The following MOB3B variants were observed in gnomAD, a reference collection of about 807,000 sequenced individuals.
The protein encoded by MOB3B is MOB kinase activator 3B.
Under a neutral mutation model 18.7 loss-of-function variants are expected in MOB3B, and 7 were observed. The ratio of observed to expected loss-of-function variants is 0.37; its 90% CI spans 0.21 to 0.70. The LOEUF (loss-of-function observed/expected upper bound fraction) is 0.70. Among genes scored for constraint, MOB3B ranks in the 30% least tolerant of loss-of-function variants. MOB3B has a pLI of 0.52. For synonymous variants in MOB3B, 111 were observed against 99.9 expected, an observed-to-expected ratio of 1.11 and a Z score of -0.66; for missense variants, 253 against 281.3, an observed-to-expected ratio of 0.90 and a Z score of 0.72.
At chr9:27,502,288 A>T (rs1820003679) in intron 1 of MOB3B, among the ~76,000 whole-genome samples, 2 of 152,196 alleles carry the variant, frequency 1.3e-5, no homozygotes, top group Non-Finnish European at 2.9e-5. Context: ...TCTCCCACAC[A>T]ATATCAAACC....
chr9:27,360,157 A>C (rs1335831760), intron 2 of MOB3B, among the ~76,000 whole-genome samples: 2 of 152,168 alleles, frequency 1.3e-5, no homozygotes, highest in African/African-American at 2.4e-5. Context: ...AAGCTTATTA[A>C]ATTGATAATG....
intron 1 of MOB3B, among the ~76,000 whole-genome samples, chr9:27,488,643 C>T (rs1042145350): frequency 6.6e-6 from 1 of 152,122 alleles, no homozygotes; most frequent in East Asian, 1.9e-4. Flanking sequence ...CCTGACCTTA[C>T]GTGGTCTACC....
At chr9:27,519,824 T>C (rs924976683) in intron 1 of MOB3B, among the ~76,000 whole-genome samples, 1 of 151,768 alleles carries the variant, frequency 6.6e-6, no homozygotes, top group East Asian at 1.9e-4. Flanking sequence ...GAAGACAAGC[T>C]GGCCCCAAAT....
chr9:27,493,948 A>G (rs1236261774), intron 1 of MOB3B, among the ~76,000 whole-genome samples: 1 of 152,208 alleles, frequency 6.6e-6, no homozygotes, highest in African/African-American at 2.4e-5. Flanking sequence ...TTCAAAAGCA[A>G]ATGGGAGAAA....
At chr9:27,371,786 T>A (rs1301802893) in intron 2 of MOB3B, among the ~76,000 whole-genome samples, 8 of 151,972 alleles carry the variant, frequency 5.3e-5, no homozygotes, top group Non-Finnish European at 1.0e-4. Context: ...CCAGCAGGAA[T>A]ATAGATCTAG....
chr9:27,353,694 C>T (rs1387787528), intron 3 of MOB3B, among the ~76,000 whole-genome samples: 1 of 152,198 alleles, frequency 6.6e-6, no homozygotes, highest in Admixed American at 6.5e-5. Flanking sequence ...TCACGAATCT[C>T]TGTCCTCCCC....
chr9:27,385,107 G>A (rs1361920264), intron 2 of MOB3B, among the ~76,000 whole-genome samples: 2 of 152,186 alleles, frequency 1.3e-5, no homozygotes, highest in Non-Finnish European at 2.9e-5. Flanking sequence ...GCAGGAAGCA[G>A]GAAGGCAAGG....
chr9:27,353,001 G>A (rs957755068), intron 3 of MOB3B, among the ~76,000 whole-genome samples: 1 of 152,178 alleles, frequency 6.6e-6, no homozygotes, highest in African/African-American at 2.4e-5. Context: ...CTCAGGACTG[G>A]CATTTTGAGG....
intron 1 of MOB3B, among the ~76,000 whole-genome samples, chr9:27,491,175 A>G (rs1449496518): frequency 6.6e-6 from 1 of 152,262 alleles, no homozygotes; most frequent in Non-Finnish European, 1.5e-5. Flanking sequence ...ACTAAAAAGA[A>G]GAAGACATAT....
At chr9:27,410,590 A>T (rs893196077) in intron 2 of MOB3B, among the ~76,000 whole-genome samples, 1 of 152,026 alleles carries the variant, frequency 6.6e-6, no homozygotes, top group Non-Finnish European at 1.5e-5. Context: ...AGGCAAGCTG[A>T]CCACTCCAGG....
At chr9:27,360,270 G>A (rs981978863) in intron 2 of MOB3B, among the ~76,000 whole-genome samples, 2 of 152,198 alleles carry the variant, frequency 1.3e-5, no homozygotes, top group African/African-American at 4.8e-5. Context: ...TTGGGAGGCT[G>A]AGGCAGGCAG....
chr9:27,383,474 A>G (rs1295593246), intron 2 of MOB3B, among the ~76,000 whole-genome samples: 1 of 152,210 alleles, frequency 6.6e-6, no homozygotes. Flanking sequence ...AAATGATTCT[A>G]GACAAATAAC....
In MOB3B at chr9:27,455,615, A is replaced by T; in HGVS notation, c.-65T>A. The T allele has an allele frequency of 6.2e-7, 1 of 1,605,158 alleles. No individual in the cohort carries two copies. The highest frequency in any genetic ancestry group is 8.5e-7 in the Non-Finnish European group (1 of 1,177,882). ...AAGGCACCTGGAACTTTTCAGGGAG[A>T]GATCACAGCCCAACAGTGTTTTCCA... On this transcript the variant is annotated 5_prime_UTR_variant, in exon 2 of 4. Transcript: ENST00000262244.
chr9:27,460,073 G>A (rs1347064469), intron 1 of MOB3B, among the ~76,000 whole-genome samples: 3 of 152,144 alleles, frequency 2.0e-5, no homozygotes, highest in Non-Finnish European at 4.4e-5. Context: ...AGGACATAGA[G>A]TTCATAAAAA....
chr9:27,509,165 T>G (rs1400844852), intron 1 of MOB3B, among the ~76,000 whole-genome samples: 1 of 152,224 alleles, frequency 6.6e-6, no homozygotes, highest in Non-Finnish European at 1.5e-5. Flanking sequence ...ATGCTCATTA[T>G]TCACATGTCA....
chr9:27,499,152 C>T (rs1457621793), intron 1 of MOB3B, among the ~76,000 whole-genome samples: 1 of 152,146 alleles, frequency 6.6e-6, no homozygotes, highest in Non-Finnish European at 1.5e-5. Flanking sequence ...TAAGAATAAT[C>T]TACTAAAGTT....
intron 2 of MOB3B, among the ~76,000 whole-genome samples, chr9:27,433,053 A>AT (rs201266096): frequency 2.7e-3 from 404 of 147,232 alleles, no homozygotes; most frequent in African/African-American, 6.8e-3. Context: ...TTCAGGAACT[A>AT]TTTTTTTTTT....
chr9:27,351,208 T>C (rs888155460), intron 3 of MOB3B, among the ~76,000 whole-genome samples: 1 of 152,182 alleles, frequency 6.6e-6, no homozygotes, highest in African/African-American at 2.4e-5. Context: ...TGGCCCACAG[T>C]GGGCTTTAAT....
intron 1 of MOB3B, among the ~76,000 whole-genome samples, chr9:27,487,874 C>T (rs569775752): frequency 7.7e-4 from 117 of 152,274 alleles, no homozygotes; most frequent in African/African-American, 2.6e-3. Context: ...TGGTCTTGCT[C>T]ATGGTCTTTT....
Sources: allele counts gnomAD v4.1 joint callset (sites outside exome capture counted in the v4.1 genomes callset), GRCh38; gene constraint gnomAD v4.1.1; transcripts MANE v1.5; gene names NCBI Gene and HGNC (gene_info 2026-07-23, HGNC 2026-07-21).